The following ZNF736 variants were observed in gnomAD, a reference collection of about 807,000 sequenced individuals.
ZNF736 encodes KRAB-containing zinc-finger repressor protein.
ZNF736 carries 6 observed loss-of-function variants against 11.7 expected under a neutral mutation model. That is an observed-to-expected ratio of 0.51 (90% CI 0.28 to 1.01). The LOEUF (loss-of-function observed/expected upper bound fraction) is 1.01, where lower values mean the gene tolerates loss of function less well. ZNF736 is among the 50% of genes least tolerant of loss of function. ZNF736 has a pLI of 0.09. For synonymous variants in ZNF736, 139 were observed against 164.7 expected, an observed-to-expected ratio of 0.84 and a Z score of 1.19; for missense variants, 444 against 496.0, an observed-to-expected ratio of 0.90 and a Z score of 1.00.
chr7:64,337,895 C>G (rs776299), intron 3 of ZNF736, among the ~76,000 whole-genome samples: 48,558 of 151,648 alleles, frequency 0.32, 9,190 homozygotes, highest in South Asian at 0.46. Flanking sequence ...GCTGGGATTA[C>G]AGGCATGTGC....
chr7:64,315,213 A>C (rs991582210), intron 1 of ZNF736, among the ~76,000 whole-genome samples: 21 of 152,192 alleles, frequency 1.4e-4, no homozygotes, highest in Non-Finnish European at 2.9e-5. Context: ...GAGCCAATTA[A>C]TCCTCTTATA....
chr7:64,331,339 C>A (rs1380494345), intron 1 of ZNF736, among the ~76,000 whole-genome samples: 2 of 152,160 alleles, frequency 1.3e-5, no homozygotes, highest in African/African-American at 2.4e-5. Context: ...ACAGGCAGCA[C>A]TGAGTTTTAC....
intron 1 of ZNF736, among the ~76,000 whole-genome samples, chr7:64,328,871 T>G (rs1789119144): frequency 6.6e-6 from 1 of 152,132 alleles, no homozygotes. Context: ...GTTCTAGTTA[T>G]CCCTTTGAAT....
rs190630286 is a variant in ZNF736, at chr7:64,348,750, G to C, written c.887G>C (p.Trp296Ser). 9.2e-5 allele frequency: 147 copies of C among 1,600,414 alleles called. No individual in the cohort carries two copies. The East Asian group carries it at 3.1e-3, about 34-fold the overall frequency. ...KCEECNKAYR[W>S]FSDLAKHKII... ...GAAGAATGTAACAAAGCCTATAGGT[G>C]GTTCTCAGACCTTGCTAAACATAAG... The change falls in exon 4 of 4, where the codon TGG becomes TCG. Residue 296 changes from tryptophan (W) to serine (S), a missense_variant. By Grantham distance (177) the Trp-to-Ser change is radical (BLOSUM62 -3). Coordinates refer to ENST00000423484, the MANE Select transcript of ZNF736 (RefSeq NM_001170905.3).
At position 64,349,309 on chromosome 7, in the gene ZNF736, C is replaced by T. The variant is rs1789455571; in HGVS notation, c.*162C>T. 1.7e-6 allele frequency: 1 copy of T among 591,078 alleles called. No homozygotes were observed. Among genetic ancestry groups the T allele is most frequent in the African/African-American group, 1.9e-5 (1 of 53,906 alleles). 36.6% of individuals were successfully genotyped at this position (591,078 alleles called of 1,614,324 possible). On this transcript the variant is annotated 3_prime_UTR_variant, in exon 4 of 4. Transcript: ENST00000423484. ...AATCTGGTTGCTTATATGTTGGGTA[C>T]ATATATAGCCCTTTGCTATTATGTA...
chr7:64,337,756 G>GTTTTTTTTTTTTTTTT (rs569147961), intron 3 of ZNF736, among the ~76,000 whole-genome samples: 7 of 112,502 alleles, frequency 6.2e-5, no homozygotes, highest in Non-Finnish European at 8.5e-5. Flanking sequence ...GTTTTTTTTG[G>GTTTTTTTTTTTTTTTT]TTTTTTTTTT....
chr7:64,319,049 G>A (rs539342207), intron 1 of ZNF736, among the ~76,000 whole-genome samples: 75 of 152,174 alleles, frequency 4.9e-4, no homozygotes, highest in Non-Finnish European at 8.4e-4. Flanking sequence ...ACAGATAGAA[G>A]TAAATGGAAG....
intron 1 of ZNF736, among the ~76,000 whole-genome samples, chr7:64,322,414 G>T (rs1304396280): frequency 6.6e-6 from 1 of 152,082 alleles, no homozygotes; most frequent in African/African-American, 2.4e-5. Context: ...TCTACAAATA[G>T]AAATTATGTT....
chr7:64,344,442 A>G (rs1260509781), intron 3 of ZNF736, among the ~76,000 whole-genome samples: 2 of 152,222 alleles, frequency 1.3e-5, no homozygotes, highest in East Asian at 3.8e-4. Flanking sequence ...ACATGAATCC[A>G]CTACTCATTT....
Position 64,336,379 on chromosome 7 carries a change from T to C in ZNF736, c.124T>C (p.Ser42Pro). 1 of 1,608,092 alleles carries C rather than the reference T, an allele frequency of 6.2e-7. No homozygotes were observed. Among genetic ancestry groups the C allele is most frequent in the Non-Finnish European group, 8.5e-7 (1 of 1,178,086 alleles). The change falls in exon 2 of 4, where the codon TCC becomes CCC. Residue 42 changes from serine (S) to proline (P), a missense_variant. By Grantham distance (74) the Ser-to-Pro change is moderately conservative. Transcript: ENST00000423484. ...VMLENYGNLV[S>P]LGLAIFKPDL... Reference sequence around the variant, plus strand: ...GTTAGAGAACTATGGAAACCTGGTCTCCTTGGGTGAGAATAACTTCAATAT... The same window carrying C: ...GTTAGAGAACTATGGAAACCTGGTCCCCTTGGGTGAGAATAACTTCAATAT...
At position 64,354,257 on chromosome 7, in the gene ZNF736, T is replaced by C. The variant is rs879867112; in HGVS notation, c.*5110T>C. The C allele has an allele frequency of 3.9e-5, 6 of 152,204 alleles. No individual in the cohort carries two copies. Among genetic ancestry groups the C allele is most frequent in the Admixed American group, 2.6e-4 (4 of 15,276 alleles). The allele number at this position is 152,204 out of a possible 1,614,324, so 9.4% of individuals were successfully genotyped here. A position where few individuals can be genotyped will look rare whatever the true frequency, so the allele number is the denominator to read the frequency against. The stretch of plus-strand genomic sequence containing the variant: ...TGACTTCTCTGGTCTGCTAAACACA[T>C]ACAGACCTTTAGTTTTGGTTTACAT... On this transcript the variant is annotated 3_prime_UTR_variant, in exon 4 of 4. Transcript: ENST00000423484.
chr7:64,335,150 G>A (rs771290948), intron 1 of ZNF736, among the ~76,000 whole-genome samples: 1 of 152,134 alleles, frequency 6.6e-6, no homozygotes, highest in African/African-American at 2.4e-5. Context: ...TCAGCAGATG[G>A]GGGCAAGGGG....
At position 64,319,333 on chromosome 7, in the gene ZNF736, GTATATATATATATATATATATATATATA is replaced by G. The variant is rs71060585; in HGVS notation, c.3+5200_3+5227del. ...TATATGTATGTGTGTGTGTGTATGT[GTATATATATATATATATATATATATATA>G]TATATATATATATATATATGCCTGA... On this transcript the variant is annotated intron_variant, in intron 1 of 3. Coordinates refer to ENST00000423484, the MANE Select transcript of ZNF736 (RefSeq NM_001170905.3). Among the ~76,000 whole-genome samples the G allele has an allele frequency of 1.1e-3, 79 of 71,650 alleles. 1 individual carries two copies. The highest frequency in any genetic ancestry group is 3.9e-3 in the Admixed American group (23 of 5,874). 47.0% of individuals were successfully genotyped at this position (71,650 alleles called of 152,430 possible). A position where few individuals can be genotyped will look rare whatever the true frequency, so the allele number is the denominator to read the frequency against.
chr7:64,348,350 CATAA>C lies in ZNF736; in HGVS notation c.489_492del (p.His163GlnfsTer34). 3 of 1,551,416 alleles carry C rather than the reference CATAA, an allele frequency of 1.9e-6. No individual in the cohort carries two copies. The South Asian group carries it at 3.6e-5, about 18-fold the overall frequency. ...TCAGTTGTGCTCAATCTTCACTGAA[CATAA>C]AGACATTTTTAGCAGAGAGAAATGC... On this transcript the variant is annotated frameshift_variant, in exon 4 of 4. Transcript: ENST00000423484. LOFTEE classifies it low-confidence loss of function (END_TRUNC).
In ZNF736 at chr7:64,356,334, A is replaced by G. The variant is rs1789553164; in HGVS notation, c.*7187A>G. 1 of 152,286 alleles carries G rather than the reference A, an allele frequency of 6.6e-6. No homozygotes were observed. The allele number at this position is 152,286 out of a possible 1,614,324, so 9.4% of individuals were successfully genotyped here. A position where few individuals can be genotyped will look rare whatever the true frequency, so the allele number is the denominator to read the frequency against. The stretch of plus-strand genomic sequence containing the variant: ...TTTTTCTCTTAAATTTTTGGCAAGT[A>G]TAAAAGCACATTCAGAATGTCACTT... On this transcript the variant is annotated 3_prime_UTR_variant, in exon 4 of 4. Transcript: ENST00000423484.
chr7:64,331,770 ACTGCT>A (rs951583002), intron 1 of ZNF736, among the ~76,000 whole-genome samples: 2 of 152,118 alleles, frequency 1.3e-5, no homozygotes, highest in Non-Finnish European at 1.5e-5. Flanking sequence ...GATCATAGAG[ACTGCT>A]CTGCTTGGAT....
At chr7:64,314,600 G>T (rs1325160460) in intron 1 of ZNF736, among the ~76,000 whole-genome samples, 1 of 152,068 alleles carries the variant, frequency 6.6e-6, no homozygotes, top group Non-Finnish European at 1.5e-5. Context: ...TTGAGACAGT[G>T]TCTCACTCTG....
In ZNF736 at chr7:64,354,571, C is replaced by G. The variant is rs111988227; in HGVS notation, c.*5424C>G. 1 of 152,038 alleles carries G rather than the reference C, an allele frequency of 6.6e-6. No individual in the cohort carries two copies. The highest frequency in any genetic ancestry group is 3.4e-3 in the Middle Eastern group (1 of 292). The allele number at this position is 152,038 out of a possible 1,614,324, so 9.4% of individuals were successfully genotyped here. ...TGCAAATTCTTTTTTTGTTGTTTGT[C>G]TGTTTGCCTGTTGCTCACCATAGAC... On this transcript the variant is annotated 3_prime_UTR_variant, in exon 4 of 4. Coordinates refer to ENST00000423484, the MANE Select transcript of ZNF736 (RefSeq NM_001170905.3).
chr7:64,325,799 C>T (rs1316178321), intron 1 of ZNF736, among the ~76,000 whole-genome samples: 1 of 152,016 alleles, frequency 6.6e-6, no homozygotes, highest in Non-Finnish European at 1.5e-5. Context: ...TTCTCTAGGA[C>T]CTGGAAACCA....
Sources: allele counts gnomAD v4.1 joint callset (sites outside exome capture counted in the v4.1 genomes callset), GRCh38; gene constraint gnomAD v4.1.1; transcripts MANE v1.5; gene names NCBI Gene and HGNC (gene_info 2026-07-23, HGNC 2026-07-21).